The following SLC26A6 variants were observed in gnomAD, a reference collection of about 807,000 sequenced individuals.
The protein encoded by SLC26A6 is solute carrier family 26 member 6, also known as anion exchange transporter.
In SLC26A6, 67 loss-of-function variants were observed where a neutral mutation model predicts 87.1. The ratio of observed to expected loss-of-function variants is 0.77; its 90% confidence interval spans 0.63 to 0.94. The LOEUF (loss-of-function observed/expected upper bound fraction) is 0.94, where lower values mean the gene tolerates loss of function less well. Among genes scored for constraint, SLC26A6 ranks in the 40% least tolerant of loss-of-function variants. The pLI is 0.00. For synonymous variants in SLC26A6, 414 were observed against 405.9 expected, an observed-to-expected ratio of 1.02 and a Z score of -0.24; for missense variants, 902 against 973.0, an observed-to-expected ratio of 0.93 and a Z score of 0.97.
At chr3:48,634,061 A>G (rs986310545) in intron 1 of SLC26A6, 1 of 212,306 alleles carries the variant, frequency 4.7e-6, no homozygotes, top group Non-Finnish European at 9.4e-6. Flanking sequence ...CCAGCAAACC[A>G]GGGGTCCAGC....
Position 48,633,250 on chromosome 3 carries a change from C to T in SLC26A6, c.322+1G>A. The T allele has an allele frequency of 8.1e-6, 13 of 1,612,476 alleles. No individual in the cohort carries two copies. Among genetic ancestry groups the T allele is most frequent in the Non-Finnish European group, 1.1e-5 (13 of 1,179,590 alleles). ...AGGCCGACGCACTGAAGGTGGCTCA[C>T]CCTGCGGAAGCTGCATGATGGCCAC... On this transcript the variant is annotated splice_donor_variant, in intron 3 of 20. Coordinates refer to ENST00000395550, the MANE Select transcript of SLC26A6 (RefSeq NM_022911.3). LOFTEE classifies it high-confidence loss of function.
At chr3:48,630,583 C>T in intron 10 of SLC26A6, 24 bp downstream of exon 10, 1 of 1,563,734 alleles carries the variant, frequency 6.4e-7, no homozygotes, top group South Asian at 1.2e-5. Context: ...CATGCCCACA[C>T]CCATGCCCAC....
At chr3:48,634,960 G>A (rs1240987458) in intron 1 of SLC26A6, among the ~76,000 whole-genome samples, 1 of 152,222 alleles carries the variant, frequency 6.6e-6, no homozygotes, top group African/African-American at 2.4e-5. Context: ...GAAGGCAACT[G>A]GGGCCAGAAA....
rs777600725 is a variant in SLC26A6 at position 48,633,529 on chromosome 3, GCTC to G, written c.127_129del (p.Glu43del). 6.7e-4 allele frequency: 1,075 copies of G among 1,613,328 alleles called. 7 individuals are homozygous for G. The highest frequency in any genetic ancestry group is 1.6e-4 in the Middle Eastern group (1 of 6,084). On this transcript the variant is annotated inframe_deletion, in exon 2 of 21. Coordinates refer to ENST00000395550, the MANE Select transcript of SLC26A6 (RefSeq NM_022911.3). Reference sequence around the variant, plus strand: ...CTAGGTGCTGAGCCCCAGCGCCCCAGCTCCTCCAAATGCTCCTGGTTCAGCAGC... The same window carrying G: ...CTAGGTGCTGAGCCCCAGCGCCCCAGCTCCAAATGCTCCTGGTTCAGCAGC...
chr3:48,626,966 C>T lies in SLC26A6; in HGVS notation c.1983G>A (p.Leu661=). 1.2e-6 allele frequency: 2 copies of T among 1,614,186 alleles called. No homozygotes were observed. Among genetic ancestry groups the T allele is most frequent in the Non-Finnish European group, 1.7e-6 (2 of 1,180,042 alleles). ...TGTGGAAGTCTGGCTGAGGCAGGCCCAGGGCCTTCAGTGTGGACCCATCTG... is the reference window on the plus strand; with the variant it reads ...TGTGGAAGTCTGGCTGAGGCAGGCCTAGGGCCTTCAGTGTGGACCCATCTG... ...KAPDGSTLKA[L]GLPQPDFHSL... is the part of the protein sequence containing the mutation. Residue 661 remains leucine (L), a synonymous_variant, in exon 18 of 21, where the codon CTG becomes CTA. Coordinates refer to ENST00000395550, the MANE Select transcript of SLC26A6 (RefSeq NM_022911.3).
chr3:48,629,915 C>T lies in SLC26A6; in HGVS notation c.1486G>A (p.Ala496Thr). The T allele has an allele frequency of 1.9e-6, 3 of 1,614,136 alleles. No individual in the cohort carries two copies. The highest frequency in any genetic ancestry group is 2.5e-6 in the Non-Finnish European group (3 of 1,180,044). ...ACGAGCAGCAGGGAGAAGATGACCGCAACCACCAAGCCAAGGTCCAGGTTC... is the reference window on the plus strand; with the variant it reads ...ACGAGCAGCAGGGAGAAGATGACCGTAACCACCAAGCCAAGGTCCAGGTTC... ...LLNLDLGLVV[A>T]VIFSLLLVVV... The change falls in exon 13 of 21, where the codon GCG becomes ACG. Residue 496 changes from alanine to threonine, a missense_variant. Physicochemically the swap from Ala to Thr is moderately conservative, Grantham distance 58. Around this residue, in one of 3 missense-constraint regions of SLC26A6, gnomAD observed 800 missense variants for 856.8 expected, o/e 0.93. Transcript: ENST00000395550.
At position 48,630,689 on chromosome 3, in the gene SLC26A6, A is replaced by G. The variant is rs1230663961; in HGVS notation, c.1166T>C (p.Ile389Thr). 2.5e-6 allele frequency: 4 copies of G among 1,603,022 alleles called. No homozygotes were observed. In the Admixed American group the frequency reaches 6.8e-5, roughly 27 times the overall value. Reference sequence around the variant, plus strand: ...GGGGAAGCACTGGAAGATGCCTCCGATAAGGTTACTGAGGCCCAGGGCCAC... The same window carrying G: ...GGGGAAGCACTGGAAGATGCCTCCGGTAAGGTTACTGAGGCCCAGGGCCAC... ...ELVALGLSNL[I>T]GGIFQCFPVS... Residue 389 changes from isoleucine (I) to threonine (T), a missense_variant, in exon 10 of 21, where the codon ATC (isoleucine) becomes ACC (threonine). This residue lies in a region of SLC26A6 where 800 missense variants were observed against 856.8 expected (regional missense o/e 0.93). Coordinates refer to ENST00000395550, the MANE Select transcript of SLC26A6 (RefSeq NM_022911.3).
chr3:48,629,588 C>A, intron 14 of SLC26A6, 54 bp downstream of exon 14: 1 of 1,536,738 alleles, frequency 6.5e-7, no homozygotes. Flanking sequence ...CACAAAGGCT[C>A]ATTCTTCCTC....
chr3:48,629,811 C>T (rs964129501), intron 13 of SLC26A6, 61 bp downstream of exon 13: 12 of 1,610,208 alleles, frequency 7.5e-6, no homozygotes, highest in African/African-American at 2.7e-5. Context: ...GGGAAAGCTG[C>T]GGGGAGCCCT....
In SLC26A6 at chr3:48,631,299, C is replaced by T. The variant is rs746566232; in HGVS notation, c.911G>A (p.Gly304Glu). 6.3e-7 allele frequency: 1 copy of T among 1,593,288 alleles called. No individual in the cohort carries two copies. Among genetic ancestry groups the T allele is most frequent in the East Asian group, 2.2e-5 (1 of 44,590 alleles). The change falls in exon 8 of 21, where the codon GGG (glycine) becomes GAG (glutamate). Residue 304 changes from glycine to glutamate, a missense_variant. This residue lies in a region of SLC26A6 where 800 missense variants were observed against 856.8 expected (regional missense o/e 0.93). Coordinates refer to ENST00000395550, the MANE Select transcript of SLC26A6 (RefSeq NM_022911.3). ...PIPGELLTLI[G>E]ATGISYGMGL... is the part of the protein sequence containing the mutation. Reference sequence around the variant, plus strand: ...CATGCCATAGGAGATGCCTGTGGCCCCGATGAGCTGTGGGAGAGGACAGAG... The same window carrying T: ...CATGCCATAGGAGATGCCTGTGGCCTCGATGAGCTGTGGGAGAGGACAGAG...
At position 48,625,827 on chromosome 3, in the gene SLC26A6, G is replaced by A. The variant is rs1289981759; in HGVS notation, c.*159C>T. The A allele has an allele frequency of 3.5e-6, 3 of 869,222 alleles. No homozygotes were observed. Among genetic ancestry groups the A allele is most frequent in the African/African-American group, 1.7e-5 (1 of 60,292 alleles). The allele number at this position is 869,222 out of a possible 1,614,324, so 53.8% of individuals were successfully genotyped here. ...GCATGCAGGCCCTGTCCCAGACCTG[G>A]AGCGCTGAACTTGGAGTCCCAGGAC... On this transcript the variant is annotated 3_prime_UTR_variant, in exon 21 of 21. Coordinates refer to ENST00000395550, the MANE Select transcript of SLC26A6 (RefSeq NM_022911.3). This position sits in a 1 kb window ranked among gnomAD's most constrained non-coding sequence, Gnocchi z 4.7.
intron 19 of SLC26A6, 98 bp from the exon 20 acceptor site, chr3:48,626,452 C>CCA: frequency 1.9e-6 from 3 of 1,571,368 alleles, no homozygotes; most frequent in South Asian, 2.3e-5. Flanking sequence ...CCCCTGACCT[C>CCA]CACCCCTGAG....
chr3:48,627,715 G>T (rs78924665), intron 17 of SLC26A6: 664 of 421,020 alleles, frequency 1.6e-3, no homozygotes, highest in Non-Finnish European at 2.1e-3. Context: ...AAGTCTTGTG[G>T]GATCTACAAA....
At chr3:48,633,785 G>T in intron 1 of SLC26A6, 150 bp from the exon 2 acceptor site, 1 of 1,467,018 alleles carries the variant, frequency 6.8e-7, no homozygotes, top group Non-Finnish European at 9.0e-7. Context: ...GCATCTGTGG[G>T]CCACATGTCC....
chr3:48,633,154 G>A, intron 3 of SLC26A6, 70 bp from the exon 4 acceptor site: 2 of 1,583,212 alleles, frequency 1.3e-6, no homozygotes, highest in Non-Finnish European at 8.6e-7. Flanking sequence ...TCCCAGCCCT[G>A]GGTTAGGTGC....
chr3:48,632,738 G>T, intron 4 of SLC26A6: 2 of 676,052 alleles, frequency 3.0e-6, no homozygotes, highest in Non-Finnish European at 5.3e-6. Context: ...CAGGCCCCTT[G>T]GGCTGCCTCA....
chr3:48,631,029 G>A lies in SLC26A6; in HGVS notation c.1098C>T (p.Phe366=), dbSNP rs751745403. Residue 366 remains phenylalanine (F), a synonymous_variant, in exon 9 of 21, where the codon TTC becomes TTT. Transcript: ENST00000395550. ...FAIAISLGKI[F]ALRHGYRVDS... Reference sequence around the variant, plus strand: ...CCACCCGGTAGCCGTGCCTCAGGGCGAAGATCTTCCCCAGTGAGATGGCAA... The same window carrying A: ...CCACCCGGTAGCCGTGCCTCAGGGCAAAGATCTTCCCCAGTGAGATGGCAA... 22 of 1,613,726 alleles carry A rather than the reference G, an allele frequency of 1.4e-5. No homozygotes were observed. In the Admixed American group the frequency reaches 1.7e-4, roughly 12 times the overall value.
In SLC26A6 at chr3:48,631,303, T is replaced by A. The variant is rs1425549427; in HGVS notation, c.907A>T (p.Ile303Phe). 1.9e-6 allele frequency: 3 copies of A among 1,591,006 alleles called. No individual in the cohort carries two copies. The highest frequency in any genetic ancestry group is 2.6e-6 in the Non-Finnish European group (3 of 1,167,678). Residue 303 changes from isoleucine (I) to phenylalanine (F), a missense_variant, in exon 8 of 21, where the codon ATC becomes TTC. By Grantham distance (21) the Ile-to-Phe change is conservative. Transcript: ENST00000395550. ...CCATAGGAGATGCCTGTGGCCCCGA[T>A]GAGCTGTGGGAGAGGACAGAGTCAG... Reference protein sequence around the residue: ...MPIPGELLTLIGATGISYGMG... With the variant: ...MPIPGELLTLFGATGISYGMG...
chr3:48,631,833 A>C (rs2106666520), intron 6 of SLC26A6, 32 bp from the exon 7 acceptor site: 1 of 1,613,046 alleles, frequency 6.2e-7, no homozygotes, highest in Non-Finnish European at 8.5e-7. Context: ...GCTAGCACTC[A>C]AGGCCATGGG....
Sources: allele counts gnomAD v4.1 joint callset (sites outside exome capture counted in the v4.1 genomes callset), GRCh38; gene constraint gnomAD v4.1.1; regional missense constraint gnomAD v4.1.1; non-coding constraint Gnocchi (gnomAD v3.1); transcripts MANE v1.5; gene names NCBI Gene and HGNC (gene_info 2026-07-23, HGNC 2026-07-21).